The following MLLT10 variants were observed in gnomAD, a reference collection of about 807,000 sequenced individuals.
The protein encoded by MLLT10 is protein AF-10.
In MLLT10, 30 loss-of-function variants were observed where a neutral mutation model predicts 129.1. The ratio of observed to expected loss-of-function variants is 0.23; its 90% CI spans 0.17 to 0.32. MLLT10 has a LOEUF of 0.32. MLLT10 is among the 10% of genes least tolerant of loss of function. The pLI is 1.00. For synonymous variants in MLLT10, 490 were observed against 446.4 expected, an observed-to-expected ratio of 1.10 and a Z score of -1.23; for missense variants, 1,119 against 1,268.3, an observed-to-expected ratio of 0.88 and a Z score of 1.79.
intron 16 of MLLT10, among the ~76,000 whole-genome samples, chr10:21,730,450 T>C (rs563722885): frequency 8.5e-5 from 13 of 152,342 alleles, no homozygotes; most frequent in African/African-American, 3.1e-4. Flanking sequence ...AGATTTTAGT[T>C]GGTTGTAAAT....
chr10:21,591,008 A>T (rs1589121955), intron 4 of MLLT10, among the ~76,000 whole-genome samples: 1 of 151,686 alleles, frequency 6.6e-6, no homozygotes, highest in Non-Finnish European at 1.5e-5. Context: ...GTTCCTCTCT[A>T]TTGCTTTTAT....
intron 5 of MLLT10, among the ~76,000 whole-genome samples, chr10:21,597,731 T>C (rs1270415126): frequency 6.6e-6 from 1 of 152,244 alleles, no homozygotes; most frequent in Non-Finnish European, 1.5e-5. Flanking sequence ...TTCAGAAATT[T>C]GATGCTTTTG....
At chr10:21,717,028 G>A (rs1037087429) in intron 14 of MLLT10, among the ~76,000 whole-genome samples, 1 of 151,722 alleles carries the variant, frequency 6.6e-6, no homozygotes, top group African/African-American at 2.4e-5. Context: ...AGGCCGAGGC[G>A]GGTGGATCAC....
At chr10:21,557,948 C>CTTTTTTTTTTTTTTTT (rs945740582) in intron 3 of MLLT10, 1 of 104,458 alleles carries the variant, frequency 9.6e-6, no homozygotes, top group African/African-American at 3.6e-5. Flanking sequence ...TTTTTTTTTT[C>CTTTTTTTTTTTTTTTT]TTTTTTTTTT....
intron 14 of MLLT10, among the ~76,000 whole-genome samples, chr10:21,715,608 T>C (rs1190808236): frequency 6.6e-6 from 1 of 152,220 alleles, no homozygotes; most frequent in African/African-American, 2.4e-5. Context: ...TTTATAAAAG[T>C]CTGTTTAATT....
chr10:21,569,570 G>A (rs192569614), intron 3 of MLLT10, among the ~76,000 whole-genome samples: 145 of 151,622 alleles, frequency 9.6e-4, no homozygotes, highest in African/African-American at 2.9e-3. Context: ...ACTGTTGTGC[G>A]CCATCATGCC....
At chr10:21,547,042 G>A (rs1052959465) in intron 3 of MLLT10, among the ~76,000 whole-genome samples, 2 of 151,624 alleles carry the variant, frequency 1.3e-5, no homozygotes, top group Non-Finnish European at 2.9e-5. Flanking sequence ...GCTAATTTTT[G>A]TATTTTTAGT....
intron 22 of MLLT10, among the ~76,000 whole-genome samples, chr10:21,741,160 C>T (rs181933036): frequency 6.6e-6 from 1 of 152,318 alleles, no homozygotes; most frequent in East Asian, 1.9e-4. Context: ...TGCTTTCTGT[C>T]TGCCCTCTTG....
intron 3 of MLLT10, among the ~76,000 whole-genome samples, chr10:21,572,594 C>G (rs2040326769): frequency 6.6e-6 from 1 of 151,628 alleles, no homozygotes; most frequent in Admixed American, 6.6e-5. Flanking sequence ...TTTGGTCTTG[C>G]ATGTCTTCTG....
At chr10:21,692,165 CCT>C (rs1356842586) in intron 13 of MLLT10, among the ~76,000 whole-genome samples, 5 of 151,446 alleles carry the variant, frequency 3.3e-5, no homozygotes, top group East Asian at 3.9e-4. Flanking sequence ...CAGATGAGAC[CCT>C]GTCTTAGAAA....
chr10:21,534,827 G>C, intron 2 of MLLT10, 23 bp downstream of exon 2: 3 of 1,563,518 alleles, frequency 1.9e-6, no homozygotes, highest in Non-Finnish European at 2.6e-6. Flanking sequence ...CCGCCCGCCG[G>C]GGCGCGCCGG....
intron 13 of MLLT10, among the ~76,000 whole-genome samples, chr10:21,702,062 G>A (rs562062456): frequency 5.8e-4 from 88 of 152,048 alleles, no homozygotes; most frequent in Non-Finnish European, 1.1e-3. Context: ...GAGTAGCTAG[G>A]ACTACAGGCG....
chr10:21,542,731 G>GA (rs950731648), intron 3 of MLLT10, among the ~76,000 whole-genome samples: 9 of 149,408 alleles, frequency 6.0e-5, no homozygotes, highest in East Asian at 2.0e-4. Flanking sequence ...TCTACAAAAA[G>GA]AAAAAAAAAA....
Position 21,727,848 on chromosome 10 carries a change from C to T in MLLT10, c.1991-8C>T, listed in dbSNP as rs1301314770. 2 of 1,611,416 alleles carry T rather than the reference C, an allele frequency of 1.2e-6. No homozygotes were observed. Among genetic ancestry groups the T allele is most frequent in the African/African-American group, 2.7e-5 (2 of 74,840 alleles). On this transcript the variant is annotated splice_region_variant and splice_polypyrimidine_tract_variant and intron_variant, in intron 15 of 22. Coordinates refer to ENST00000307729, the MANE Select transcript of MLLT10 (RefSeq NM_001195626.3). ...CACTTTATCAGCTCTGAAATATTTA[C>T]ACTACAGATCAAGATCTTGGAGACA...
chr10:21,586,325 C>A lies in MLLT10; in HGVS notation c.272C>A (p.Ala91Asp). 6.3e-7 allele frequency: 1 copy of A among 1,581,310 alleles called. No individual in the cohort carries two copies. Among genetic ancestry groups the A allele is most frequent in the Non-Finnish European group, 8.6e-7 (1 of 1,164,242 alleles). ...RCELCPHKDG[A>D]LKRTDNGGWA... The stretch of plus-strand genomic sequence containing the variant: ...GAACTTTGTCCCCATAAGGATGGAG[C>A]TTTAAAAAGAACAGATAATGGGGGT... Residue 91 changes from alanine to aspartate, a missense_variant, in exon 4 of 23, where the codon GCT (alanine) becomes GAT (aspartate). Physicochemically the swap from Ala to Asp is moderately radical, Grantham distance 126 (BLOSUM62 -2). Coordinates refer to ENST00000307729, the MANE Select transcript of MLLT10 (RefSeq NM_001195626.3).
intron 8 of MLLT10, among the ~76,000 whole-genome samples, chr10:21,617,953 G>A (rs1301637537): frequency 3.9e-5 from 6 of 152,092 alleles, no homozygotes; most frequent in African/African-American, 1.4e-4. Context: ...AGTGGAGGCT[G>A]TAGTGTGCTG....
At chr10:21,547,228 C>G (rs991861639) in intron 3 of MLLT10, among the ~76,000 whole-genome samples, 21 of 151,924 alleles carry the variant, frequency 1.4e-4, no homozygotes, top group African/African-American at 4.6e-4. Flanking sequence ...TGCTCTATTT[C>G]TTTTATTTTA....
chr10:21,553,949 C>T (rs1046526623), intron 3 of MLLT10, among the ~76,000 whole-genome samples: 13 of 152,240 alleles, frequency 8.5e-5, no homozygotes, highest in African/African-American at 7.2e-5. Context: ...TGCACCCAGC[C>T]GATTCTGATT....
intron 4 of MLLT10, among the ~76,000 whole-genome samples, chr10:21,592,928 C>T (rs1418630927): frequency 1.3e-5 from 2 of 152,118 alleles, no homozygotes; most frequent in African/African-American, 4.8e-5. Context: ...TTCTCTGAGA[C>T]TCTGATTACA....
Sources: allele counts gnomAD v4.1 joint callset (sites outside exome capture counted in the v4.1 genomes callset), GRCh38; gene constraint gnomAD v4.1.1; transcripts MANE v1.5; gene names NCBI Gene and HGNC (gene_info 2026-07-23, HGNC 2026-07-21).